Variants in DPP10 observed in about 807,000 individuals in gnomAD.
DPP10 encodes dipeptidyl peptidase like 10.
DPP10 carries 33 observed loss-of-function variants against 120.9 expected under a neutral mutation model. The observed-to-expected ratio is 0.27, with a 90% CI of 0.21 to 0.37. The LOEUF (loss-of-function observed/expected upper bound fraction) is 0.37. Ranked by LOEUF, DPP10 falls within the 10% of genes least tolerant of loss-of-function variation. DPP10 has a pLI of 1.00. For synonymous variants in DPP10, 337 were observed against 326.1 expected (o/e 1.03, Z -0.36); for missense variants, 816 against 942.8 (o/e 0.87, Z 1.76).
At chr2:114,912,867 T>C (rs1460289536) in intron 1 of DPP10, among the ~76,000 whole-genome samples, 3 of 152,140 alleles carry the variant, frequency 2.0e-5, no homozygotes, top group African/African-American at 7.2e-5. Flanking sequence ...AATTGTAGCC[T>C]GTGTAGAGCC....
chr2:115,152,052 T>A lies in DPP10; in HGVS notation c.61-157187T>A, dbSNP rs1305842969. 2.0e-5 allele frequency among the ~76,000 whole-genome samples: 3 copies of A among 152,214 alleles called. No homozygotes were observed. The East Asian group carries it at 5.8e-4, about 29-fold the overall frequency. Reference sequence around the variant, plus strand: ...GTGTTGCATGATGATTTTCTTAATGTCCTTTAGCTTATTTTAAAATAATAT... The same window carrying A: ...GTGTTGCATGATGATTTTCTTAATGACCTTTAGCTTATTTTAAAATAATAT... On this transcript the variant is annotated intron_variant, in intron 1 of 25. Coordinates refer to ENST00000410059, the MANE Select transcript of DPP10 (RefSeq NM_020868.6).
At chr2:114,928,838 C>T (rs550718248) in intron 1 of DPP10, among the ~76,000 whole-genome samples, 1 of 152,312 alleles carries the variant, frequency 6.6e-6, no homozygotes, top group South Asian at 2.1e-4. Flanking sequence ...GTGTATGCTT[C>T]CAAGGCTTCC....
chr2:115,714,958 G>A (rs202074770), intron 7 of DPP10, among the ~76,000 whole-genome samples: 1 of 151,256 alleles, frequency 6.6e-6, no homozygotes, highest in African/African-American at 2.4e-5. Context: ...TGACCTGGGA[G>A]GCAGAGGTAG....
intron 1 of DPP10, among the ~76,000 whole-genome samples, chr2:114,497,330 T>TATACATAC (rs1682719502): frequency 2.9e-5 from 1 of 34,868 alleles, no homozygotes; most frequent in African/African-American, 8.8e-5. Flanking sequence ...TATACGTGTA[T>TATACATAC]ACATGTACAT....
intron 7 of DPP10, among the ~76,000 whole-genome samples, chr2:115,698,134 C>T (rs2091697464): frequency 6.6e-6 from 1 of 152,136 alleles, no homozygotes; most frequent in South Asian, 2.1e-4. Flanking sequence ...CCTATTAAGT[C>T]TCAATAGCTT....
intron 1 of DPP10, among the ~76,000 whole-genome samples, chr2:114,674,836 G>A (rs1247516410): frequency 2.0e-5 from 3 of 152,144 alleles, no homozygotes; most frequent in East Asian, 3.9e-4. Context: ...ATCTAAAAAC[G>A]GAGGAACTAA....
intron 1 of DPP10, among the ~76,000 whole-genome samples, chr2:114,851,704 A>T (rs879168470): frequency 6.6e-6 from 1 of 152,174 alleles, no homozygotes; most frequent in Admixed American, 6.5e-5. Flanking sequence ...TTCAACCAAC[A>T]TTAATGATCC....
intron 5 of DPP10, among the ~76,000 whole-genome samples, chr2:115,551,090 C>T (rs1485722732): frequency 6.6e-6 from 1 of 152,018 alleles, no homozygotes; most frequent in Non-Finnish European, 1.5e-5. Flanking sequence ...ACCATTGGTT[C>T]ACTCTCACAG....
chr2:115,789,617 CA>C (rs1291707567), intron 17 of DPP10, among the ~76,000 whole-genome samples: 1 of 151,988 alleles, frequency 6.6e-6, no homozygotes, highest in Non-Finnish European at 1.5e-5. Flanking sequence ...AGGACTTAGC[CA>C]GTAAAGTGGG....
At chr2:114,444,387 G>T (rs905285584) in intron 1 of DPP10, among the ~76,000 whole-genome samples, 5 of 152,116 alleles carry the variant, frequency 3.3e-5, no homozygotes, top group African/African-American at 1.2e-4. Flanking sequence ...GCTGCCTACT[G>T]CTAAGTATGT....
At chr2:115,231,836 C>CTTG (rs2057749382) in intron 1 of DPP10, among the ~76,000 whole-genome samples, 1 of 152,168 alleles carries the variant, frequency 6.6e-6, no homozygotes, top group African/African-American at 2.4e-5. Context: ...CACCTTATCT[C>CTTG]TTGTCAGGCC....
intron 1 of DPP10, among the ~76,000 whole-genome samples, chr2:114,610,151 A>T (rs890654485): frequency 6.6e-6 from 1 of 152,126 alleles, no homozygotes; most frequent in Non-Finnish European, 1.5e-5. Context: ...TGGGTAAAGG[A>T]TGTTCTTTGC....
At chr2:115,840,650 G>A (rs568641003) in intron 24 of DPP10, 100 bp from the exon 25 acceptor site, 62 of 1,214,250 alleles carry the variant, frequency 5.1e-5, no homozygotes, top group Admixed American at 9.7e-5. Flanking sequence ...AATGTGCAAT[G>A]TATGTAAAAT....
chr2:114,448,562 C>A (rs1353426165), intron 1 of DPP10, among the ~76,000 whole-genome samples: 1 of 152,120 alleles, frequency 6.6e-6, no homozygotes, highest in Non-Finnish European at 1.5e-5. Context: ...CTACTTAGAC[C>A]TACTAAGTCA....
At chr2:115,585,987 T>C (rs1354890830) in intron 5 of DPP10, among the ~76,000 whole-genome samples, 2 of 152,198 alleles carry the variant, frequency 1.3e-5, no homozygotes, top group African/African-American at 4.8e-5. Context: ...CTTGTCCTTT[T>C]TGATATGTAT....
chr2:115,085,307 T>C (rs769625879), intron 1 of DPP10, among the ~76,000 whole-genome samples: 1 of 152,138 alleles, frequency 6.6e-6, no homozygotes, highest in African/African-American at 2.4e-5. Flanking sequence ...CACCAATGTG[T>C]GTATGTGTAT....
intron 3 of DPP10, among the ~76,000 whole-genome samples, chr2:115,375,800 G>A (rs2065750016): frequency 6.6e-6 from 1 of 152,168 alleles, no homozygotes; most frequent in Non-Finnish European, 1.5e-5. Flanking sequence ...GAGAGAGCAA[G>A]GGCGCAGTTT....
intron 3 of DPP10, among the ~76,000 whole-genome samples, chr2:115,345,368 A>G (rs1160993052): frequency 2.0e-5 from 3 of 152,184 alleles, no homozygotes; most frequent in Non-Finnish European, 2.9e-5. Flanking sequence ...AAAAAGATAT[A>G]TTATCACAAA....
chr2:115,579,805 A>T (rs2081910537), intron 5 of DPP10: 1 of 152,136 alleles, frequency 6.6e-6, no homozygotes, highest in African/African-American at 2.4e-5. Context: ...CACATTTTTT[A>T]AAAATTAATT....
Sources: gnomAD v4.1 joint callset for allele counts (sites outside exome capture counted in the v4.1 genomes callset) on GRCh38, gnomAD v4.1.1 for gene constraint, MANE v1.5 for transcripts, NCBI Gene and HGNC (gene_info 2026-07-23, HGNC 2026-07-21) for gene names.